The following EPB41 variants were observed in gnomAD, a reference collection of about 807,000 sequenced individuals.
The protein encoded by EPB41 is erythrocyte membrane protein band 4.1, also known as protein 4.1.
A neutral mutation model predicts 108.0 loss-of-function variants in EPB41; 65 were observed. That is an observed-to-expected ratio of 0.60 (90% CI 0.49 to 0.74). EPB41 has a LOEUF of 0.74. EPB41 is among the 30% of genes least tolerant of loss of function. EPB41 has a pLI of 0.00. For synonymous variants in EPB41, 336 were observed against 358.9 expected, an observed-to-expected ratio of 0.94 and a Z score of 0.72; for missense variants, 875 against 1,037.0, an observed-to-expected ratio of 0.84 and a Z score of 2.15.
chr1:28,951,461 C>G (rs1404538582), intron 1 of EPB41, among the ~76,000 whole-genome samples: 1 of 151,850 alleles, frequency 6.6e-6, no homozygotes, highest in Non-Finnish European at 1.5e-5. Flanking sequence ...GGAGTAGAAG[C>G]AAATCAGAAA....
chr1:29,010,295 C>T (rs1322212740), intron 4 of EPB41, among the ~76,000 whole-genome samples: 1 of 152,008 alleles, frequency 6.6e-6, no homozygotes, highest in African/African-American at 2.4e-5. Context: ...ACCAAGATTG[C>T]ATCACTAAAC....
intron 11 of EPB41, among the ~76,000 whole-genome samples, chr1:29,045,480 A>G (rs2150558708): frequency 6.6e-6 from 1 of 151,380 alleles, no homozygotes; most frequent in South Asian, 2.1e-4. Context: ...CAGCCTCACA[A>G]GTAGCTAGGA....
At chr1:29,052,983 C>A in intron 11 of EPB41, 121 bp from the exon 12 acceptor site, 2 of 1,049,166 alleles carry the variant, frequency 1.9e-6, no homozygotes, top group Non-Finnish European at 2.9e-6. Flanking sequence ...TGTGTGATAG[C>A]CCACTACACA....
intron 1 of EPB41, among the ~76,000 whole-genome samples, chr1:28,939,083 A>T (rs1174922934): frequency 2.0e-5 from 3 of 152,228 alleles, no homozygotes; most frequent in African/African-American, 7.2e-5. Context: ...AAAAACCTTC[A>T]GCCTTGCTCT....
chr1:28,990,834 C>T (rs527347646), intron 2 of EPB41, among the ~76,000 whole-genome samples: 69 of 152,200 alleles, frequency 4.5e-4, no homozygotes, highest in Admixed American at 7.2e-4. Context: ...TTCATAGATT[C>T]GTACTCAAGT....
At chr1:28,988,160 G>A (rs985831353) in intron 2 of EPB41, among the ~76,000 whole-genome samples, 12 of 152,180 alleles carry the variant, frequency 7.9e-5, no homozygotes, top group Admixed American at 6.5e-4. Context: ...CTACTCAGGA[G>A]GCTGAGACAG....
Position 29,068,750 on chromosome 1 carries a change from C to T in EPB41, c.2184+3592C>T, listed in dbSNP as rs1030746092. ...ATGACCAGGTGAAGAAAACTTCTGT[C>T]CTACCCTCGGAAAGAAAGGTTGGTG... On this transcript the variant is annotated intron_variant, in intron 16 of 20. Coordinates refer to ENST00000343067, the MANE Select transcript of EPB41 (RefSeq NM_001376013.1). 1.6e-5 allele frequency: 20 copies of T among 1,232,008 alleles called. No homozygotes were observed. The African/African-American group carries it at 2.6e-4, about 16-fold the overall frequency. 76.3% of individuals were successfully genotyped at this position (1,232,008 alleles called of 1,614,324 possible). A position where few individuals can be genotyped will look rare whatever the true frequency, so the allele number is the denominator to read the frequency against.
chr1:29,062,074 T>G (rs1352459926), intron 15 of EPB41, among the ~76,000 whole-genome samples: 1 of 152,234 alleles, frequency 6.6e-6, no homozygotes, highest in African/African-American at 2.4e-5. Flanking sequence ...TACATATCTT[T>G]GTCTCATTTA....
At position 29,035,839 on chromosome 1, in the gene EPB41, A is replaced by G; in HGVS notation, c.1379A>G (p.Glu460Gly). Residue 460 changes from glutamate to glycine, a missense_variant, in exon 10 of 21, where the codon GAA becomes GGA. Glu to Gly is a moderately conservative substitution (Grantham distance 98, BLOSUM62 -2). Coordinates refer to ENST00000343067, the MANE Select transcript of EPB41 (RefSeq NM_001376013.1). ...GTGTTTTTGTAGCAAGAGCAGTATG[A>G]AAGTACCATCGGATTCAAACTTCCC... ...KIRPGEQEQYESTIGFKLPSY... is the reference protein window; with the variant it reads ...KIRPGEQEQYGSTIGFKLPSY... The G allele has an allele frequency of 6.2e-7, 1 of 1,613,852 alleles. No individual in the cohort carries two copies. Among genetic ancestry groups the G allele is most frequent in the Non-Finnish European group, 8.5e-7 (1 of 1,179,738 alleles).
intron 1 of EPB41, among the ~76,000 whole-genome samples, chr1:28,898,105 G>A (rs1383923338): frequency 1.3e-5 from 2 of 152,174 alleles, no homozygotes; most frequent in African/African-American, 2.4e-5. Context: ...GAGCACTGTC[G>A]TTGGTGTGGC....
chr1:29,059,705 G>C (rs1646174578), intron 14 of EPB41, among the ~76,000 whole-genome samples: 1 of 152,126 alleles, frequency 6.6e-6, no homozygotes, highest in Admixed American at 6.5e-5. Flanking sequence ...TTGCGTCCAG[G>C]AGGTTAAGGC....
chr1:28,965,437 T>C (rs1033371789), intron 1 of EPB41, among the ~76,000 whole-genome samples: 4 of 152,132 alleles, frequency 2.6e-5, no homozygotes, highest in Non-Finnish European at 5.9e-5. Context: ...TATTATTACT[T>C]AAGAGAATAA....
chr1:29,024,128 A>G lies in EPB41; in HGVS notation c.1124+5686A>G, dbSNP rs1438092878. On this transcript the variant is annotated intron_variant, in intron 7 of 20. Coordinates refer to ENST00000343067, the MANE Select transcript of EPB41 (RefSeq NM_001376013.1). ...AAGGCAGGTGGATCACGAGGTCAAG[A>G]GATTGAGACCATCCTAGCCAACATG... 2.0e-5 allele frequency among the ~76,000 whole-genome samples: 3 copies of G among 151,844 alleles called. No homozygotes were observed. The Middle Eastern group carries it at 0.01, about 516-fold the overall frequency.
At chr1:28,990,308 C>CTTCCTTCT in intron 2 of EPB41, among the ~76,000 whole-genome samples, 1 of 126,458 alleles carries the variant, frequency 7.9e-6, no homozygotes, top group African/African-American at 3.1e-5. Context: ...TCCTTCCTTC[C>CTTCCTTCT]TTCCTTCCTT....
intron 16 of EPB41, among the ~76,000 whole-genome samples, chr1:29,092,250 A>G (rs1370513071): frequency 6.6e-6 from 1 of 151,964 alleles, no homozygotes; most frequent in African/African-American, 2.4e-5. Context: ...GGCATGCGCC[A>G]CCACGCCTGG....
chr1:29,054,481 C>G (rs1645017507), intron 12 of EPB41: 1 of 144,318 alleles, frequency 6.9e-6, no homozygotes, highest in Admixed American at 7.0e-5. Flanking sequence ...GGAGCCAGAT[C>G]AATATCTAGT....
chr1:28,993,674 T>G, intron 3 of EPB41, 132 bp downstream of exon 3: 1 of 770,532 alleles, frequency 1.3e-6, no homozygotes, highest in Non-Finnish European at 2.0e-6. Context: ...TTTTTTTTTT[T>G]GAGACAGAGT....
At chr1:29,067,213 C>T (rs1281995676) in intron 16 of EPB41, among the ~76,000 whole-genome samples, 3 of 148,454 alleles carry the variant, frequency 2.0e-5, no homozygotes, top group Non-Finnish European at 3.0e-5. Flanking sequence ...AAAAATTAGC[C>T]GGGGCCAGGC....
intron 5 of EPB41, among the ~76,000 whole-genome samples, chr1:29,014,156 A>G (rs2096546851): frequency 6.6e-6 from 1 of 151,960 alleles, no homozygotes; most frequent in African/African-American, 2.4e-5. Context: ...GTCTATACTT[A>G]AAATACAAAA....
Sources: allele counts gnomAD v4.1 joint callset (sites outside exome capture counted in the v4.1 genomes callset), GRCh38; gene constraint gnomAD v4.1.1; transcripts MANE v1.5; gene names NCBI Gene and HGNC (gene_info 2026-07-23, HGNC 2026-07-21).